The following KCNT2 variants were observed in gnomAD, a reference collection of about 807,000 sequenced individuals.
KCNT2 encodes potassium sodium-activated channel subfamily T member 2.
KCNT2 carries 67 observed loss-of-function variants against 153.8 expected under a neutral mutation model. The observed-to-expected ratio is 0.44, with a 90% confidence interval of 0.36 to 0.53. KCNT2 has a LOEUF of 0.53. KCNT2 is among the 20% of genes least tolerant of loss of function. KCNT2 has a pLI of 0.00. For synonymous variants in KCNT2, 500 were observed against 458.8 expected (o/e 1.09, Z -1.15); for missense variants, 975 against 1,354.8 (o/e 0.72, Z 4.40).
Position 196,483,134 on chromosome 1 carries a change from A to G in KCNT2, c.276-755T>C, listed in dbSNP as rs576208974. On this transcript the variant is annotated intron_variant, in intron 3 of 27. Coordinates refer to ENST00000294725, the MANE Select transcript of KCNT2 (RefSeq NM_198503.5). ...CATTTTCCTGAAGAGAGGCAGGTGAATGGTAGTTTTTCGCATTTAAGTAAA... is the reference window on the plus strand; with the variant it reads ...CATTTTCCTGAAGAGAGGCAGGTGAGTGGTAGTTTTTCGCATTTAAGTAAA... 5.9e-5 allele frequency among the ~76,000 whole-genome samples: 9 copies of G among 152,282 alleles called. No individual in the cohort carries two copies. In the East Asian group the frequency reaches 1.7e-3, roughly 29 times the overall value.
At chr1:196,317,440 AAAAG>A (rs1662832103) in intron 20 of KCNT2, among the ~76,000 whole-genome samples, 1 of 151,720 alleles carries the variant, frequency 6.6e-6, no homozygotes, top group Non-Finnish European at 1.5e-5. Flanking sequence ...AGTACATTAA[AAAAG>A]AAAGAGTTAG....
intron 18 of KCNT2, among the ~76,000 whole-genome samples, chr1:196,327,520 A>G (rs996747385): frequency 5.3e-5 from 8 of 152,048 alleles, no homozygotes; most frequent in African/African-American, 1.9e-4. Context: ...TGTTAACCCA[A>G]TATTATTTTC....
chr1:196,505,454 G>T (rs1414979061), intron 1 of KCNT2, among the ~76,000 whole-genome samples: 3 of 151,088 alleles, frequency 2.0e-5, no homozygotes, highest in African/African-American at 7.3e-5. Flanking sequence ...TCTCTGTTTT[G>T]GTACCAGTAC....
chr1:196,351,114 G>T (rs537146722), intron 14 of KCNT2, among the ~76,000 whole-genome samples: 3 of 152,182 alleles, frequency 2.0e-5, no homozygotes, highest in Admixed American at 1.3e-4. Context: ...TAGCCTTGTC[G>T]TATAGTTTGA....
At chr1:196,348,310 C>T (rs1666312498) in intron 14 of KCNT2, among the ~76,000 whole-genome samples, 1 of 151,132 alleles carries the variant, frequency 6.6e-6, no homozygotes, top group Admixed American at 6.6e-5. Context: ...GCAATAAAAA[C>T]ATAAGAAATA....
intron 26 of KCNT2, chr1:196,257,899 T>C: frequency 1.0e-6 from 1 of 973,128 alleles, no homozygotes; most frequent in South Asian, 4.8e-5. Context: ...GTTCTTTACT[T>C]CTAACATGAA....
At chr1:196,390,244 A>G (rs573774176) in intron 13 of KCNT2, among the ~76,000 whole-genome samples, 2 of 151,696 alleles carry the variant, frequency 1.3e-5, no homozygotes, top group Admixed American at 1.3e-4. Flanking sequence ...GTATAGTACA[A>G]TAATTACATG....
chr1:196,476,069 T>C (rs1678506206), intron 5 of KCNT2, among the ~76,000 whole-genome samples: 2 of 152,204 alleles, frequency 1.3e-5, no homozygotes, highest in Non-Finnish European at 2.9e-5. Context: ...TCAATATGTG[T>C]TTTTAAATGG....
At chr1:196,561,290 G>C (rs1328984851) in intron 1 of KCNT2, among the ~76,000 whole-genome samples, 1 of 151,576 alleles carries the variant, frequency 6.6e-6, no homozygotes, top group Admixed American at 6.6e-5. Flanking sequence ...GGAAAAAAAA[G>C]ATCTCTCTAA....
At chr1:196,569,743 G>A (rs1660538108) in intron 1 of KCNT2, among the ~76,000 whole-genome samples, 1 of 152,244 alleles carries the variant, frequency 6.6e-6, no homozygotes, top group African/African-American at 2.4e-5. Context: ...GCTGAAGGAA[G>A]AGAATGGCAG....
chr1:196,586,009 T>C (rs1276972202), intron 1 of KCNT2, among the ~76,000 whole-genome samples: 2 of 152,230 alleles, frequency 1.3e-5, no homozygotes, highest in Non-Finnish European at 2.9e-5. Flanking sequence ...CCCAGAACTT[T>C]GGGAGGCCAA....
chr1:196,361,282 T>G (rs1024084246), intron 14 of KCNT2, among the ~76,000 whole-genome samples: 1 of 151,854 alleles, frequency 6.6e-6, no homozygotes, highest in Non-Finnish European at 1.5e-5. Flanking sequence ...TTGCCATAGA[T>G]AGTGTCTGTA....
chr1:196,497,264 T>C (rs1044776580), intron 1 of KCNT2, among the ~76,000 whole-genome samples: 9 of 152,182 alleles, frequency 5.9e-5, no homozygotes, highest in Non-Finnish European at 1.2e-4. Flanking sequence ...TTGTCATTAT[T>C]CCCTAGACAA....
intron 1 of KCNT2, among the ~76,000 whole-genome samples, chr1:196,592,368 G>T (rs1464901794): frequency 2.6e-5 from 4 of 151,124 alleles, no homozygotes; most frequent in Non-Finnish European, 5.9e-5. Context: ...TAGTGTGGGG[G>T]TGTTGGGAGA....
Position 196,545,557 on chromosome 1 carries a change from G to A in KCNT2, c.96-53216C>T, listed in dbSNP as rs564649390. 1.4e-4 allele frequency among the ~76,000 whole-genome samples: 22 copies of A among 151,938 alleles called. No individual in the cohort carries two copies. In the South Asian group the frequency reaches 3.1e-3, roughly 22 times the overall value. ...CTTTTCCTTTAATAGATTTTTTGCC[G>A]TATAATTTATATAGCATACAATTTA... On this transcript the variant is annotated intron_variant, in intron 1 of 27. Transcript: ENST00000294725.
chr1:196,350,342 C>A (rs923281844), intron 14 of KCNT2, among the ~76,000 whole-genome samples: 25 of 152,070 alleles, frequency 1.6e-4, no homozygotes, highest in African/African-American at 4.1e-4. Context: ...AAGTGTTCCT[C>A]TTTCTCCACA....
chr1:196,437,837 G>T (rs1046777826), intron 8 of KCNT2, among the ~76,000 whole-genome samples: 1 of 151,242 alleles, frequency 6.6e-6, no homozygotes, highest in African/African-American at 2.4e-5. Flanking sequence ...TGTTTTACTA[G>T]CCAAGCATTG....
chr1:196,241,539 C>G (rs1356994322), intron 26 of KCNT2, among the ~76,000 whole-genome samples: 2 of 152,068 alleles, frequency 1.3e-5, no homozygotes, highest in African/African-American at 4.8e-5. Context: ...TTTAACTGAC[C>G]TCTATTTAAA....
chr1:196,473,092 G>A (rs79474525), intron 5 of KCNT2, among the ~76,000 whole-genome samples: 6,014 of 152,248 alleles, frequency 0.04, 170 homozygotes, highest in Non-Finnish European at 0.063. Flanking sequence ...CTTAGAACAT[G>A]CCTTAAGTAT....
Sources: gnomAD v4.1 joint callset for allele counts (sites outside exome capture counted in the v4.1 genomes callset) on GRCh38, gnomAD v4.1.1 for gene constraint, MANE v1.5 for transcripts, NCBI Gene and HGNC (gene_info 2026-07-23, HGNC 2026-07-21) for gene names.